The following R3HDM1 variants were observed in gnomAD, a reference collection of about 807,000 sequenced individuals.
The protein encoded by R3HDM1 is R3H domain-containing protein 1.
Under a neutral mutation model 141.1 loss-of-function variants are expected in R3HDM1, and 46 were observed. That is an observed-to-expected ratio of 0.33 (90% CI 0.26 to 0.42). R3HDM1 has a LOEUF of 0.42. R3HDM1 is among the 10% of genes least tolerant of loss of function. R3HDM1 has a pLI of 1.00. For missense variants in R3HDM1, 1,184 were observed against 1,368.3 expected (o/e 0.87, Z 2.12); for synonymous variants, 435 against 472.9 (o/e 0.92, Z 1.04).
At chr2:135,616,230 G>A in intron 4 of R3HDM1, 37 bp downstream of exon 4, 1 of 1,571,892 alleles carries the variant, frequency 6.4e-7, no homozygotes, top group South Asian at 1.1e-5. Context: ...CATGCCAAGG[G>A]CCTTCCTTCA....
intron 19 of R3HDM1, chr2:135,669,681 GA>G: frequency 7.4e-6 from 5 of 672,290 alleles, no homozygotes; most frequent in Non-Finnish European, 9.2e-6. Flanking sequence ...TGATCATAGA[GA>G]AGGTATGAAC....
At chr2:135,645,660 C>T (rs1389994790) in intron 16 of R3HDM1, 133 bp downstream of exon 16, 3 of 1,055,804 alleles carry the variant, frequency 2.8e-6, no homozygotes, top group Non-Finnish European at 4.1e-6. Context: ...TGATATTCCA[C>T]TCACTACTCA....
chr2:135,630,282 A>C (rs914052088), intron 7 of R3HDM1, among the ~76,000 whole-genome samples: 1 of 51,238 alleles, frequency 2.0e-5, no homozygotes, highest in Admixed American at 3.4e-4. Context: ...CTTCTCAACC[A>C]AAAAAAAAAA....
intron 19 of R3HDM1, chr2:135,665,533 T>C (rs1219135183): frequency 2.0e-6 from 1 of 493,266 alleles, no homozygotes; most frequent in Non-Finnish European, 4.2e-6. Context: ...TAATGCTGTA[T>C]GAAGGTGTTA....
chr2:135,672,941 TAC>T (rs1344689253), intron 19 of R3HDM1, among the ~76,000 whole-genome samples: 1 of 152,140 alleles, frequency 6.6e-6, no homozygotes, highest in Non-Finnish European at 1.5e-5. Context: ...CCCCCATCTC[TAC>T]TAAAAATACA....
chr2:135,705,030 T>C (rs1419580282), intron 21 of R3HDM1, among the ~76,000 whole-genome samples: 4 of 152,200 alleles, frequency 2.6e-5, no homozygotes, highest in African/African-American at 4.8e-5. Context: ...GTGACTGTTA[T>C]TAAGGTCCAT....
intron 21 of R3HDM1, among the ~76,000 whole-genome samples, chr2:135,702,030 A>G (rs1159635731): frequency 6.6e-6 from 1 of 152,134 alleles, no homozygotes; most frequent in African/African-American, 2.4e-5. Context: ...GTCAATTTTA[A>G]AACATTTTCA....
chr2:135,537,208 A>G (rs1696350817), intron 1 of R3HDM1, among the ~76,000 whole-genome samples: 1 of 149,758 alleles, frequency 6.7e-6, no homozygotes, highest in Admixed American at 6.7e-5. Context: ...TACTGTTGTG[A>G]AGTCAAAATT....
intron 1 of R3HDM1, among the ~76,000 whole-genome samples, chr2:135,552,010 A>T (rs917286186): frequency 2.0e-5 from 3 of 152,216 alleles, no homozygotes; most frequent in Admixed American, 2.0e-4. Flanking sequence ...AGCATAAATT[A>T]TCCATCATAT....
At chr2:135,629,368 G>A (rs1458807153) in intron 7 of R3HDM1, among the ~76,000 whole-genome samples, 3 of 152,112 alleles carry the variant, frequency 2.0e-5, no homozygotes, top group African/African-American at 7.2e-5. Context: ...TTATAATTTA[G>A]TAAATAAATT....
At chr2:135,578,708 A>G (rs1267601480) in intron 1 of R3HDM1, among the ~76,000 whole-genome samples, 1 of 152,252 alleles carries the variant, frequency 6.6e-6, no homozygotes, top group Non-Finnish European at 1.5e-5. Flanking sequence ...AACACAAGAC[A>G]AAAAACAAAT....
At chr2:135,666,520 A>G (rs2067517975) in intron 19 of R3HDM1, among the ~76,000 whole-genome samples, 1 of 152,114 alleles carries the variant, frequency 6.6e-6, no homozygotes, top group African/African-American at 2.4e-5. Context: ...CTTCTCCATT[A>G]ACCTGCCGCC....
intron 21 of R3HDM1, among the ~76,000 whole-genome samples, chr2:135,703,625 T>G (rs1337091112): frequency 1.3e-5 from 2 of 150,492 alleles, no homozygotes; most frequent in South Asian, 2.1e-4. Context: ...TCAAATTCAG[T>G]TTTTTTTTAA....
intron 19 of R3HDM1, chr2:135,665,474 G>A (rs755809522): frequency 1.9e-6 from 1 of 532,696 alleles, no homozygotes; most frequent in South Asian, 1.4e-5. Flanking sequence ...TTTTTCAGCT[G>A]CTTCCTGGCT....
chr2:135,651,961 C>G lies in R3HDM1; in HGVS notation c.1957C>G (p.Pro653Ala). 2 of 1,598,548 alleles carry G rather than the reference C, an allele frequency of 1.3e-6. No individual in the cohort carries two copies. The highest frequency in any genetic ancestry group is 1.7e-6 in the Non-Finnish European group (2 of 1,170,512). Reference sequence around the variant, plus strand: ...GCAGCCAGTCCCTACTGCTGGATATCCTGCCTCTGGTCATCCTGTCAGCCA... The same window carrying G: ...GCAGCCAGTCCCTACTGCTGGATATGCTGCCTCTGGTCATCCTGTCAGCCA... ...PGQPVPTAGY[P>A]ASGHPVSQPV... The change falls in exon 18 of 27, where the codon CCT (proline) becomes GCT (alanine). Residue 653 changes from proline to alanine, a missense_variant. Coordinates refer to ENST00000683871, the MANE Select transcript of R3HDM1 (RefSeq NM_001378107.1).
At chr2:135,543,037 C>T in intron 1 of R3HDM1, 1 of 957,494 alleles carries the variant, frequency 1.0e-6, no homozygotes, top group Non-Finnish European at 1.2e-6. Flanking sequence ...TGTCCCTGGT[C>T]TAAATGTTTT....
At chr2:135,574,686 A>G (rs1251095528) in intron 1 of R3HDM1, among the ~76,000 whole-genome samples, 3 of 152,208 alleles carry the variant, frequency 2.0e-5, no homozygotes, top group African/African-American at 7.2e-5. Flanking sequence ...ACTCATTAAC[A>G]TACTCCCTAT....
At chr2:135,585,980 T>C (rs1426852534) in intron 1 of R3HDM1, among the ~76,000 whole-genome samples, 3 of 152,232 alleles carry the variant, frequency 2.0e-5, no homozygotes, top group Non-Finnish European at 4.4e-5. Flanking sequence ...AGGCTTTTTG[T>C]TAGTAATACT....
chr2:135,720,948 A>G (rs138147787), intron 24 of R3HDM1, among the ~76,000 whole-genome samples: 1 of 152,242 alleles, frequency 6.6e-6, no homozygotes, highest in Admixed American at 6.5e-5. Flanking sequence ...AATGATTGGC[A>G]TGTGTATTGT....
Sources: allele counts gnomAD v4.1 joint callset (sites outside exome capture counted in the v4.1 genomes callset), GRCh38; gene constraint gnomAD v4.1.1; transcripts MANE v1.5; gene names NCBI Gene and HGNC (gene_info 2026-07-23, HGNC 2026-07-21).